KIF21A: variants seen among roughly 807,000 people sequenced by gnomAD.
KIF21A encodes the protein kinesin family member 21A, also known as kinesin-like protein KIF21A.
KIF21A carries 114 observed loss-of-function variants against 202.9 expected under a neutral mutation model. That is an observed-to-expected ratio of 0.56 (90% confidence interval 0.48 to 0.66). The LOEUF (loss-of-function observed/expected upper bound fraction) is 0.66, where lower values mean the gene tolerates loss of function less well. KIF21A is among the 30% of genes least tolerant of loss of function. The pLI, the probability that KIF21A is intolerant of heterozygous loss-of-function variation, is 0.00. For synonymous variants in KIF21A, 667 were observed against 670.8 expected, an observed-to-expected ratio of 0.99 and a Z score of 0.09; for missense variants, 1,677 against 1,994.9, an observed-to-expected ratio of 0.84 and a Z score of 3.04.
intron 17 of KIF21A, among the ~76,000 whole-genome samples, chr12:39,333,744 T>G (rs1240199150): frequency 2.0e-5 from 3 of 152,116 alleles, no homozygotes; most frequent in African/African-American, 7.2e-5. Flanking sequence ...TGATTAGTAC[T>G]TATAATAACT....
chr12:39,418,623 G>A (rs1373409227), intron 1 of KIF21A, among the ~76,000 whole-genome samples: 6 of 152,188 alleles, frequency 3.9e-5, no homozygotes, highest in African/African-American at 1.2e-4. Context: ...TCTATGAATG[G>A]TGAGCACTCA....
intron 1 of KIF21A, among the ~76,000 whole-genome samples, chr12:39,408,497 C>T (rs1952795494): frequency 6.6e-6 from 1 of 151,866 alleles, no homozygotes; most frequent in Admixed American, 6.6e-5. Flanking sequence ...TGAGGAACCC[C>T]TGATAAAGAA....
intron 4 of KIF21A, 144 bp from the exon 5 acceptor site, chr12:39,367,308 A>G: frequency 1.2e-6 from 1 of 801,318 alleles, no homozygotes; most frequent in South Asian, 1.5e-5. Flanking sequence ...AGTTACAGGC[A>G]CTTTTTGAGA....
At chr12:39,432,692 C>A (rs11835156) in intron 1 of KIF21A, among the ~76,000 whole-genome samples, 9,750 of 151,988 alleles carry the variant, frequency 0.064, 1,059 homozygotes, top group African/African-American at 0.22. Flanking sequence ...CTCACTGCAA[C>A]CTCGGCCTCC....
intron 37 of KIF21A, among the ~76,000 whole-genome samples, chr12:39,294,756 C>A (rs1942132893): frequency 6.6e-6 from 1 of 152,212 alleles, no homozygotes; most frequent in Non-Finnish European, 1.5e-5. Context: ...TGTTAACACA[C>A]ATTTAATTCC....
chr12:39,424,963 C>A lies in KIF21A; in HGVS notation c.44+17964G>T, dbSNP rs150495650. On this transcript the variant is annotated intron_variant, in intron 1 of 37. Coordinates refer to ENST00000361418, the MANE Select transcript of KIF21A (RefSeq NM_001173464.2). ...ACCTATAAGGCCCTTAATGATCTTA[C>A]CTCTCTACCTACCTCTCCGATCTTA... Among the ~76,000 whole-genome samples the A allele has an allele frequency of 1.1e-3, 161 of 152,220 alleles. 1 individual carries two copies. The East Asian group carries it at 0.027, about 25-fold the overall frequency.
intron 21 of KIF21A, 68 bp downstream of exon 21, chr12:39,332,146 G>T: frequency 1.4e-6 from 2 of 1,419,196 alleles, no homozygotes; most frequent in Non-Finnish European, 2.0e-6. Context: ...AACTGAAAGT[G>T]CTTTGAACAA....
At chr12:39,357,463 T>C in intron 8 of KIF21A, 26 bp from the exon 9 acceptor site, 1 of 1,589,010 alleles carries the variant, frequency 6.3e-7, no homozygotes, top group Non-Finnish European at 8.6e-7. Flanking sequence ...AATGTCCTTG[T>C]TGGTTGAGGA....
At chr12:39,381,705 A>C (rs1950627391) in intron 1 of KIF21A, among the ~76,000 whole-genome samples, 1 of 152,184 alleles carries the variant, frequency 6.6e-6, no homozygotes, top group South Asian at 2.1e-4. Context: ...GCAGAATTTG[A>C]AGATGATCCC....
At chr12:39,328,858 T>C (rs180993070) in intron 24 of KIF21A, among the ~76,000 whole-genome samples, 2 of 152,326 alleles carry the variant, frequency 1.3e-5, no homozygotes, top group Admixed American at 1.3e-4. Flanking sequence ...TGTCATCTCC[T>C]CCAGAAAGCC....
intron 4 of KIF21A, 150 bp from the exon 5 acceptor site, chr12:39,367,314 T>C: frequency 1.3e-6 from 1 of 751,388 alleles, no homozygotes; most frequent in Non-Finnish European, 2.3e-6. Context: ...AGGCACTTTT[T>C]GAGATGGACT....
chr12:39,339,093 A>G (rs1479966726), intron 16 of KIF21A, among the ~76,000 whole-genome samples: 3 of 152,122 alleles, frequency 2.0e-5, no homozygotes, highest in African/African-American at 7.2e-5. Flanking sequence ...AGCCTGACCA[A>G]TATGGTGAAA....
chr12:39,391,552 A>G (rs944792346), intron 1 of KIF21A, among the ~76,000 whole-genome samples: 4 of 152,176 alleles, frequency 2.6e-5, no homozygotes, highest in Non-Finnish European at 4.4e-5. Context: ...AACCTGGGCA[A>G]CATAGGAAGA....
At chr12:39,335,155 T>A (rs1235607703) in intron 17 of KIF21A, among the ~76,000 whole-genome samples, 1 of 152,072 alleles carries the variant, frequency 6.6e-6, no homozygotes, top group Non-Finnish European at 1.5e-5. Flanking sequence ...CTGGGTGCAG[T>A]GGCTCACACC....
At chr12:39,374,783 T>A (rs896066441) in intron 1 of KIF21A, among the ~76,000 whole-genome samples, 1 of 152,192 alleles carries the variant, frequency 6.6e-6, no homozygotes, top group Non-Finnish European at 1.5e-5. Context: ...TGTTTTCTAA[T>A]CTATGAGGAG....
In KIF21A at chr12:39,301,534, T is replaced by C. The variant is rs768248912; in HGVS notation, c.4877A>G (p.Asp1626Gly). The C allele has an allele frequency of 8.7e-6, 14 of 1,614,134 alleles. No homozygotes were observed. Among genetic ancestry groups the C allele is most frequent in the Non-Finnish European group, 1.1e-5 (13 of 1,179,980 alleles). Residue 1626 changes from aspartate to glycine, a missense_variant, in exon 37 of 38, where the codon GAT (aspartate) becomes GGT (glycine). Coordinates refer to ENST00000361418, the MANE Select transcript of KIF21A (RefSeq NM_001173464.2). ...FMPVGEMKGHDSPINAICVNS... is the reference protein window; with the variant it reads ...FMPVGEMKGHGSPINAICVNS... ...AACACATATGGCATTGATAGGACTATCATGACCCTTCATCTCTCCCACTGG... is the reference window on the plus strand; with the variant it reads ...AACACATATGGCATTGATAGGACTACCATGACCCTTCATCTCTCCCACTGG...
chr12:39,415,215 G>A (rs923853424), intron 1 of KIF21A, among the ~76,000 whole-genome samples: 33 of 133,750 alleles, frequency 2.5e-4, no homozygotes, highest in African/African-American at 9.4e-4. Context: ...TTTTTTAAAA[G>A]TCTGGTAGAG....
chr12:39,361,251 T>C (rs556665265), intron 7 of KIF21A, among the ~76,000 whole-genome samples: 1 of 152,226 alleles, frequency 6.6e-6, no homozygotes, highest in South Asian at 2.1e-4. Flanking sequence ...AAGAAATAAA[T>C]ACAGGAAAAA....
chr12:39,397,423 C>G (rs1951837418), intron 1 of KIF21A, among the ~76,000 whole-genome samples: 2 of 151,124 alleles, frequency 1.3e-5, no homozygotes, highest in East Asian at 3.9e-4. Flanking sequence ...CATTCTTAGC[C>G]CCCATCCAAA....
Sources: gnomAD v4.1 joint callset for allele counts (sites outside exome capture counted in the v4.1 genomes callset) on GRCh38, gnomAD v4.1.1 for gene constraint, MANE v1.5 for transcripts, NCBI Gene and HGNC (gene_info 2026-07-23, HGNC 2026-07-21) for gene names.